The following PTS variants were observed in gnomAD, a reference collection of about 807,000 sequenced individuals.
The protein encoded by PTS is 6-pyruvoyl tetrahydrobiopterin synthase.
A neutral mutation model predicts 20.6 loss-of-function variants in PTS; 23 were observed. The ratio of observed to expected loss-of-function variants is 1.12; its 90% CI spans 0.80 to 1.58. PTS has a LOEUF of 1.58. Among genes scored for constraint, PTS ranks in the 40% most tolerant of loss-of-function variants. PTS has a pLI of 0.00. For synonymous variants in PTS, 65 were observed against 62.5 expected (o/e 1.04, Z -0.19); for missense variants, 186 against 182.4 (o/e 1.02, Z -0.11).
At chr11:112,233,134 A>T (rs371913357) in intron 4 of PTS, 29 bp from the exon 5 acceptor site, 1 of 1,593,448 alleles carries the variant, frequency 6.3e-7, no homozygotes, top group African/African-American at 1.3e-5. Context: ...AATGGAGTCA[A>T]TGATATTTTC....
At chr11:112,228,298 T>C (rs1246311047) in intron 1 of PTS, 4 of 424,666 alleles carry the variant, frequency 9.4e-6, no homozygotes, top group Non-Finnish European at 1.7e-5. Context: ...TAATGTTGAA[T>C]TGAAAAGTGG....
intron 1 of PTS, 23 bp from the exon 2 acceptor site, chr11:112,228,568 TGAC>T (rs1279174732): frequency 1.3e-6 from 2 of 1,542,526 alleles, no homozygotes; most frequent in Non-Finnish European, 1.8e-6. Context: ...TGTGTCATGC[TGAC>T]TTTTTTTTTT....
rs763556416 is a variant in PTS at position 112,228,642 on chromosome 11, C to A, written c.132C>A (p.Asn44Lys). Residue 44 changes from asparagine to lysine, a missense_variant, in exon 2 of 6, where the codon AAC (asparagine) becomes AAA (lysine). By Grantham distance (94) the Asn-to-Lys change is moderately conservative (BLOSUM62 0). Transcript: ENST00000280362. ...EENLKLFGKCNNPNGHGHNYK... is the reference protein window; with the variant it reads ...EENLKLFGKCKNPNGHGHNYK... Reference sequence around the variant, plus strand: ...ACTTGAAACTGTTTGGGAAATGCAACAATCCAAATGGCCATGGGCACAATT... The same window carrying A: ...ACTTGAAACTGTTTGGGAAATGCAAAAATCCAAATGGCCATGGGCACAATT... 6.2e-7 allele frequency: 1 copy of A among 1,605,990 alleles called. No homozygotes were observed. Among genetic ancestry groups the A allele is most frequent in the Admixed American group, 1.7e-5 (1 of 59,198 alleles).
intron 4 of PTS, 33 bp from the exon 5 acceptor site, chr11:112,233,130 G>A: frequency 1.9e-6 from 3 of 1,584,072 alleles, no homozygotes; most frequent in Non-Finnish European, 2.6e-6. Flanking sequence ...CGTAAATGGA[G>A]TCAATGATAT....
chr11:112,232,350 T>C (rs1859949924), intron 4 of PTS, among the ~76,000 whole-genome samples: 1 of 152,208 alleles, frequency 6.6e-6, no homozygotes, highest in South Asian at 2.1e-4. Context: ...TTTCTTGTTA[T>C]TCATGTGGAA....
chr11:112,232,694 A>C (rs1289105133), intron 4 of PTS, among the ~76,000 whole-genome samples: 1 of 152,202 alleles, frequency 6.6e-6, no homozygotes, highest in Non-Finnish European at 1.5e-5. Context: ...ATTATTCCTC[A>C]TAGCAAAAAT....
rs1213220274 is a variant in PTS at position 112,226,480 on chromosome 11, C to G, written c.37C>G (p.Gln13Glu). The change falls in exon 1 of 6, where the codon CAA becomes GAA. Residue 13 changes from glutamine to glutamate, a missense_variant. Physicochemically the swap from Gln to Glu is conservative, Grantham distance 29. Transcript: ENST00000280362. ...TEGGGRRCQA[Q>E]VSRRISFSAS... The stretch of plus-strand genomic sequence containing the variant: ...AGGTGGTGGCCGTCGCTGCCAGGCA[C>G]AAGTGTCCCGCCGCATCTCCTTCAG... The G allele has an allele frequency of 1.9e-6, 3 of 1,582,490 alleles. No homozygotes were observed. The highest frequency in any genetic ancestry group is 2.3e-5 in the South Asian group (2 of 86,478).
intron 3 of PTS, 180 bp downstream of exon 3, chr11:112,230,410 A>G: frequency 1.2e-6 from 1 of 852,404 alleles, no homozygotes; most frequent in Non-Finnish European, 2.0e-6. Flanking sequence ...TGTTGTCTTT[A>G]ATATGCTGTA....
Position 112,233,338 on chromosome 11 carries a change from C to T in PTS, c.315-94C>T, listed in dbSNP as rs969821728. The stretch of plus-strand genomic sequence containing the variant: ...GAAGTTTTAATTTAATGAAATCTTT[C>T]GAAACTAGAATTTCTATTTTCTGTA... On this transcript the variant is annotated intron_variant, in intron 5 of 5. Transcript: ENST00000280362. 30 of 1,530,894 alleles carry T rather than the reference C, an allele frequency of 2.0e-5. No individual in the cohort carries two copies. In the Middle Eastern group the frequency reaches 5.1e-4, roughly 26 times the overall value. The allele number at this position is 1,530,894 out of a possible 1,614,324, so 94.8% of individuals were successfully genotyped here. A position where few individuals can be genotyped will look rare whatever the true frequency, so the allele number is the denominator to read the frequency against.
intron 1 of PTS, among the ~76,000 whole-genome samples, chr11:112,226,861 G>T (rs960000875): frequency 2.0e-5 from 3 of 151,360 alleles, no homozygotes; most frequent in African/African-American, 4.9e-5. Flanking sequence ...TAGACCACAG[G>T]GTTGCTGTGA....
rs2135410489 is a variant in PTS at position 112,233,507 on chromosome 11, A to G, written c.390A>G (p.Val130=). Residue 130 remains valine, a synonymous_variant, in exon 6 of 6, where the codon GTA becomes GTG. Transcript: ENST00000280362. Reference sequence around the variant, plus strand: ...TTCCTGTAGGAGTTCTTTATAAAGTAAAAGTATACGAAACTGACAATAATA... The same window carrying G: ...TTCCTGTAGGAGTTCTTTATAAAGTGAAAGTATACGAAACTGACAATAATA... ...KVLPVGVLYK[V]KVYETDNNIV... 1 of 1,613,664 alleles carries G rather than the reference A, an allele frequency of 6.2e-7. No individual in the cohort carries two copies.
rs372064576 is a variant in PTS at position 112,228,444 on chromosome 11, A to C, written c.84-150A>C. On this transcript the variant is annotated intron_variant, in intron 1 of 5. Transcript: ENST00000280362. Reference sequence around the variant, plus strand: ...GACGTATACGTAAGTAATAAAATCAACATGATTTCTGACTCTCCCTTTGGT... The same window carrying C: ...GACGTATACGTAAGTAATAAAATCACCATGATTTCTGACTCTCCCTTTGGT... The C allele has an allele frequency of 3.4e-3, 2,320 of 674,732 alleles. 4 individuals carry two copies. The highest frequency in any genetic ancestry group is 4.6e-3 in the Non-Finnish European group (1,841 of 399,398). The allele number at this position is 674,732 out of a possible 1,614,324, so 41.8% of individuals were successfully genotyped here.
rs1241103661 is a variant in PTS at position 112,228,511 on chromosome 11, C to G, written c.84-83C>G. On this transcript the variant is annotated intron_variant, in intron 1 of 5. Coordinates refer to ENST00000280362, the MANE Select transcript of PTS (RefSeq NM_000317.3). ...TTGGGAAACTTTTCAAAGATCAGTA[C>G]AAATAATAAATATAAGGAACAGAGA... 2.5e-6 allele frequency: 3 copies of G among 1,189,734 alleles called. No individual in the cohort carries two copies. In the South Asian group the frequency reaches 4.1e-5, roughly 16 times the overall value. The allele number at this position is 1,189,734 out of a possible 1,614,324, so 73.7% of individuals were successfully genotyped here.
At chr11:112,227,860 T>C (rs1184068084) in intron 1 of PTS, among the ~76,000 whole-genome samples, 4 of 83,916 alleles carry the variant, frequency 4.8e-5, no homozygotes, top group African/African-American at 1.3e-4. Context: ...CCAAACTACA[T>C]TGGGGGGAAT....
Position 112,230,633 on chromosome 11 carries a change from C to A in PTS, c.194C>A (p.Pro65His). 1.2e-6 allele frequency: 2 copies of A among 1,609,688 alleles called. No homozygotes were observed. Among genetic ancestry groups the A allele is most frequent in the Non-Finnish European group, 8.5e-7 (1 of 1,176,064 alleles). ...VVVTVHGEIDPATGMVMNLAD... is the reference protein window; with the variant it reads ...VVVTVHGEIDHATGMVMNLAD... ...CCTTTGTTTATTCTTTAGATTGACC[C>A]TGCTACGGGAATGGTTATGAATCTG... is the stretch of plus-strand genomic sequence containing the variant. The change falls in exon 4 of 6, where the codon CCT (proline) becomes CAT (histidine). Residue 65 changes from proline to histidine, a missense_variant. By Grantham distance (77) the Pro-to-His change is moderately conservative (BLOSUM62 -2). Coordinates refer to ENST00000280362, the MANE Select transcript of PTS (RefSeq NM_000317.3).
At chr11:112,230,284 G>A (rs1859914291) in intron 3 of PTS, 54 bp downstream of exon 3, 1 of 1,574,566 alleles carries the variant, frequency 6.4e-7, no homozygotes, top group Non-Finnish European at 8.7e-7. Context: ...CTCTCTTTCA[G>A]CCAGTGTGGT....
At chr11:112,232,616 G>A (rs1424738008) in intron 4 of PTS, among the ~76,000 whole-genome samples, 1 of 152,012 alleles carries the variant, frequency 6.6e-6, no homozygotes, top group Non-Finnish European at 1.5e-5. Context: ...TAATATACAC[G>A]AGCATTAGGG....
At position 112,233,430 on chromosome 11, in the gene PTS, A is replaced by G. The variant is rs1555198483; in HGVS notation, c.315-2A>G. ...TTTTGTTTTTGTTTTTTTTTCTTAT[A>G]GCACGACTGAAAATGTAGCTGTTTA... is the stretch of plus-strand genomic sequence containing the variant. On this transcript the variant is annotated splice_acceptor_variant, in intron 5 of 5. Transcript: ENST00000280362. LOFTEE classifies it high-confidence loss of function. The G allele has an allele frequency of 2.5e-6, 4 of 1,609,502 alleles. No homozygotes were observed. Among genetic ancestry groups the G allele is most frequent in the Non-Finnish European group, 3.4e-6 (4 of 1,178,688 alleles).
chr11:112,233,199 G>T lies in PTS; in HGVS notation c.280G>T (p.Asp94Tyr). The change falls in exon 5 of 6, where the codon GAT (aspartate) becomes TAT (tyrosine). Residue 94 changes from aspartate to tyrosine, a missense_variant. Physicochemically the swap from Asp to Tyr is radical, Grantham distance 160 (BLOSUM62 -3). Coordinates refer to ENST00000280362, the MANE Select transcript of PTS (RefSeq NM_000317.3). ...GCAGCCCCTTGATCATAAGAATCTG[G>T]ATATGGATGTGCCATACTTTGCAGA... is the stretch of plus-strand genomic sequence containing the variant. ...IMQPLDHKNL[D>Y]MDVPYFADVV... 8.1e-6 allele frequency: 13 copies of T among 1,614,096 alleles called. No homozygotes were observed. Among genetic ancestry groups the T allele is most frequent in the Non-Finnish European group, 1.1e-5 (13 of 1,179,970 alleles).
Sources: gnomAD v4.1 joint callset for allele counts (sites outside exome capture counted in the v4.1 genomes callset) on GRCh38, gnomAD v4.1.1 for gene constraint, MANE v1.5 for transcripts, NCBI Gene and HGNC (gene_info 2026-07-23, HGNC 2026-07-21) for gene names.